SEC63: variants seen among roughly 807,000 people sequenced by gnomAD.
The protein encoded by SEC63 is translocation protein SEC63 homolog.
Under a neutral mutation model 116.2 loss-of-function variants are expected in SEC63, and 56 were observed. The observed-to-expected ratio is 0.48, with a 90% CI of 0.39 to 0.60. The LOEUF (loss-of-function observed/expected upper bound fraction) is 0.60. SEC63 is among the 20% of genes least tolerant of loss of function. The probability of loss-of-function intolerance (pLI) is 0.00; values close to 1 mark genes in which losing one functional copy is unlikely to be tolerated. For missense variants in SEC63, 668 were observed against 900.0 expected (o/e 0.74, Z 3.30); for synonymous variants, 273 against 294.6 (o/e 0.93, Z 0.75).
intron 8 of SEC63, 102 bp from the exon 9 acceptor site, chr6:107,906,879 C>G: frequency 1.2e-6 from 1 of 854,246 alleles, no homozygotes. Context: ...CTTTTCTAAA[C>G]ATGCACAATG....
intron 19 of SEC63, among the ~76,000 whole-genome samples, chr6:107,875,744 T>G (rs1023707229): frequency 6.6e-6 from 1 of 152,164 alleles, no homozygotes; most frequent in Non-Finnish European, 1.5e-5. Flanking sequence ...TCTAAGATGC[T>G]ATTTTTCACC....
At position 107,909,587 on chromosome 6, in the gene SEC63, T is replaced by C. The variant is rs923313570; in HGVS notation, c.625-552A>G. ...ACCAACCTAAGTCACTGCATATATA[T>C]AATCAAAACATTTACCATTTTGGAT... On this transcript the variant is annotated intron_variant, in intron 7 of 20. Coordinates refer to ENST00000369002, the MANE Select transcript of SEC63 (RefSeq NM_007214.5). Among the ~76,000 whole-genome samples the C allele has an allele frequency of 2.9e-4, 44 of 152,116 alleles. 1 individual carries two copies. The highest frequency in any genetic ancestry group is 1.6e-4 in the Non-Finnish European group (11 of 68,020).
At chr6:107,903,020 A>G in intron 11 of SEC63, 22 bp from the exon 12 acceptor site, 3 of 1,613,650 alleles carry the variant, frequency 1.9e-6, no homozygotes, top group South Asian at 1.1e-5. Context: ...CAGGAAAAAA[A>G]GAAACAGGGC....
At chr6:107,901,601 C>T (rs962477294) in intron 12 of SEC63, 84 bp from the exon 13 acceptor site, 5 of 964,036 alleles carry the variant, frequency 5.2e-6, no homozygotes, top group Admixed American at 2.7e-5. Context: ...ATGTTAACCA[C>T]AACAAAATCC....
chr6:107,949,228 T>A (rs568754883), intron 1 of SEC63, among the ~76,000 whole-genome samples: 2 of 152,196 alleles, frequency 1.3e-5, no homozygotes, highest in Non-Finnish European at 2.9e-5. Context: ...AAAGGAGCTA[T>A]AAAGGAGCAG....
chr6:107,885,899 T>G (rs1373148202), intron 16 of SEC63, among the ~76,000 whole-genome samples: 1 of 152,182 alleles, frequency 6.6e-6, no homozygotes, highest in Non-Finnish European at 1.5e-5. Context: ...GGGGTACATG[T>G]GCAGAACATG....
At chr6:107,876,688 A>AT (rs1554231930) in intron 18 of SEC63, 26 bp from the exon 19 acceptor site, 4 of 1,411,988 alleles carry the variant, frequency 2.8e-6, no homozygotes. Context: ...AAAAAAAAAA[A>AT]AGAAGAGGGG....
chr6:107,927,702 C>T (rs1424148323), intron 2 of SEC63, among the ~76,000 whole-genome samples: 1 of 152,074 alleles, frequency 6.6e-6, no homozygotes, highest in East Asian at 1.9e-4. Context: ...ACATGCGTCC[C>T]TTGGTATCCT....
chr6:107,887,536 G>A (rs1424397737), intron 16 of SEC63, among the ~76,000 whole-genome samples: 1 of 149,226 alleles, frequency 6.7e-6, no homozygotes, highest in African/African-American at 2.5e-5. Flanking sequence ...CTCATAGGTG[G>A]GAATTGAACA....
intron 14 of SEC63, 151 bp from the exon 15 acceptor site, chr6:107,894,048 T>C (rs1786757394): frequency 1.2e-6 from 1 of 810,634 alleles, no homozygotes; most frequent in Non-Finnish European, 2.1e-6. Flanking sequence ...TACTAGCTGA[T>C]GAATGTGTGC....
chr6:107,952,463 ATTAG>A (rs1440463436), intron 1 of SEC63, among the ~76,000 whole-genome samples: 2 of 152,268 alleles, frequency 1.3e-5, no homozygotes, highest in African/African-American at 2.4e-5. Flanking sequence ...CTCAATAAAG[ATTAG>A]TTAAACTGGG....
chr6:107,876,737 G>C (rs932931193), intron 18 of SEC63, 75 bp from the exon 19 acceptor site: 20 of 1,034,948 alleles, frequency 1.9e-5, no homozygotes, highest in South Asian at 1.9e-4. Flanking sequence ...ATATAATTTT[G>C]GCCTCTCTTA....
At chr6:107,899,572 T>G (rs1786949509) in intron 13 of SEC63, among the ~76,000 whole-genome samples, 2 of 151,940 alleles carry the variant, frequency 1.3e-5, no homozygotes, top group African/African-American at 4.8e-5. Flanking sequence ...AAAAATTAGC[T>G]GGGCATGGTG....
intron 1 of SEC63, among the ~76,000 whole-genome samples, chr6:107,950,510 A>C (rs542046595): frequency 6.6e-6 from 1 of 152,238 alleles, no homozygotes; most frequent in Non-Finnish European, 1.5e-5. Context: ...AGGATAGACT[A>C]TATGTTAAGC....
chr6:107,941,524 A>C (rs1323687437), intron 1 of SEC63, among the ~76,000 whole-genome samples: 1 of 151,976 alleles, frequency 6.6e-6, no homozygotes, highest in Non-Finnish European at 1.5e-5. Context: ...AGGAAGAAGG[A>C]AAAAGAAAGA....
At chr6:107,953,958 G>A (rs553346299) in intron 1 of SEC63, among the ~76,000 whole-genome samples, 1 of 152,290 alleles carries the variant, frequency 6.6e-6, no homozygotes, top group Admixed American at 6.5e-5. Flanking sequence ...CACCCCGTCT[G>A]GGAGGTGTAC....
intron 1 of SEC63, among the ~76,000 whole-genome samples, chr6:107,953,763 CCCGGCCAGCCGCCCCGT>C (rs1304294787): frequency 7.0e-6 from 1 of 143,630 alleles, no homozygotes; most frequent in African/African-American, 2.6e-5. Flanking sequence ...CAGCCCCCCG[CCCGGCCAGCCGCCCCGT>C]CCGGGAGGGA....
intron 1 of SEC63, among the ~76,000 whole-genome samples, chr6:107,932,781 C>T (rs998430138): frequency 1.8e-4 from 28 of 152,112 alleles, no homozygotes; most frequent in African/African-American, 6.5e-4. Context: ...ATCCTAGTAG[C>T]AATGAGCACA....
intron 8 of SEC63, 109 bp from the exon 9 acceptor site, chr6:107,906,886 A>G: frequency 2.5e-6 from 2 of 798,066 alleles, no homozygotes; most frequent in South Asian, 2.9e-5. Context: ...AAACATGCAC[A>G]ATGCTAAAAA....
Sources: allele counts gnomAD v4.1 joint callset (sites outside exome capture counted in the v4.1 genomes callset), GRCh38; gene constraint gnomAD v4.1.1; transcripts MANE v1.5; gene names NCBI Gene and HGNC (gene_info 2026-07-23, HGNC 2026-07-21).